The following CLVS1 variants were observed in gnomAD, a reference collection of about 807,000 sequenced individuals.
The protein encoded by CLVS1 is clavesin 1.
CLVS1 carries 10 observed loss-of-function variants against 33.1 expected under a neutral mutation model. That is an observed-to-expected ratio of 0.30 (90% CI 0.19 to 0.51). The LOEUF (loss-of-function observed/expected upper bound fraction) is 0.51, where lower values mean the gene tolerates loss of function less well. Among genes scored for constraint, CLVS1 ranks in the 20% least tolerant of loss-of-function variants. CLVS1 has a pLI of 0.97. For synonymous variants in CLVS1, 163 were observed against 166.1 expected, an observed-to-expected ratio of 0.98 and a Z score of 0.14; for missense variants, 343 against 433.4, an observed-to-expected ratio of 0.79 and a Z score of 1.85.
chr8:61,033,082 G>A, the CLVS1 span, among the ~76,000 whole-genome samples: 3 of 117,274 alleles, frequency 2.6e-5, no homozygotes, highest in East Asian at 4.9e-4. Flanking sequence ...AAGGAAGGAA[G>A]GAAGGAAAGA....
chr8:60,992,933 A>T, the CLVS1 span, among the ~76,000 whole-genome samples: 2 of 152,224 alleles, frequency 1.3e-5, no homozygotes, highest in African/African-American at 2.4e-5. Context: ...AACTCAGTGG[A>T]GGAGCCCTGT....
rs912154891 is a variant in CLVS1 at position 61,299,998 on chromosome 8, G to A, written c.171G>A (p.Arg57=). 6.2e-7 allele frequency: 1 copy of A among 1,614,048 alleles called. No homozygotes were observed. The highest frequency in any genetic ancestry group is 1.1e-5 in the South Asian group (1 of 91,068). ...DVLHQDIQQV[R]DMIITRPDIG... Reference sequence around the variant, plus strand: ...TACATCAGGATATTCAGCAAGTCAGGGACATGATCATCACCAGGCCTGACA... The same window carrying A: ...TACATCAGGATATTCAGCAAGTCAGAGACATGATCATCACCAGGCCTGACA... Residue 57 remains arginine, a synonymous_variant, in exon 2 of 6, where the codon AGG becomes AGA. Transcript: ENST00000325897.
chr8:61,398,181 C>CTT (rs545959573), intron 3 of CLVS1, among the ~76,000 whole-genome samples: 1,460 of 125,896 alleles, frequency 0.012, 49 homozygotes, highest in East Asian at 0.11. Flanking sequence ...ATAAGCTTTA[C>CTT]TTTTTTTTTT....
intron 2 of CLVS1, among the ~76,000 whole-genome samples, chr8:61,139,685 G>T (rs375127613): frequency 6.6e-6 from 1 of 152,116 alleles, no homozygotes; most frequent in South Asian, 2.1e-4. Flanking sequence ...CGCGAGAGAG[G>T]GCTGCCAGGA....
At chr8:61,086,145 T>C (rs1805123566) in intron 1 of CLVS1, among the ~76,000 whole-genome samples, 1 of 147,886 alleles carries the variant, frequency 6.8e-6, no homozygotes, top group Non-Finnish European at 1.5e-5. Flanking sequence ...TAGAATTGCT[T>C]GAACCCGGGA....
intron 1 of CLVS1, among the ~76,000 whole-genome samples, chr8:61,298,922 A>G (rs1269019964): frequency 2.0e-5 from 3 of 152,178 alleles, no homozygotes; most frequent in Non-Finnish European, 4.4e-5. Flanking sequence ...CCATATGGAC[A>G]TTGGGTTGGG....
chr8:61,242,351 T>G (rs1321432701), intron 2 of CLVS1, among the ~76,000 whole-genome samples: 1 of 152,202 alleles, frequency 6.6e-6, no homozygotes, highest in East Asian at 1.9e-4. Flanking sequence ...TTTTTTCTCC[T>G]TCATTTTCAG....
intron 4 of CLVS1, among the ~76,000 whole-genome samples, chr8:61,456,684 A>T (rs1817171216): frequency 6.6e-6 from 1 of 152,022 alleles, no homozygotes; most frequent in African/African-American, 2.4e-5. Context: ...TGGGAGGCCG[A>T]GGCATGCGGA....
intron 2 of CLVS1, among the ~76,000 whole-genome samples, chr8:61,233,464 G>A (rs959275297): frequency 4.9e-5 from 7 of 143,330 alleles, no homozygotes; most frequent in Non-Finnish European, 8.9e-5. Context: ...GAAAGAACCC[G>A]TAGCTTTTTG....
chr8:61,447,582 C>T lies in CLVS1; in HGVS notation c.631-6559C>T, dbSNP rs145054397. On this transcript the variant is annotated intron_variant, in intron 3 of 5. Coordinates refer to ENST00000325897, the MANE Select transcript of CLVS1 (RefSeq NM_173519.3). ...TTAGTGATTGTTCTAGGTATTATGT[C>T]ATGCATTCATAACTTATAGTCTTTT... is the stretch of plus-strand genomic sequence containing the variant. Among the ~76,000 whole-genome samples the T allele has an allele frequency of 3.6e-3, 554 of 151,910 alleles. 2 individuals carry two copies. Among genetic ancestry groups the T allele is most frequent in the African/African-American group, 0.012 (505 of 41,498 alleles).
chr8:61,361,612 C>A (rs1340005253), intron 2 of CLVS1, among the ~76,000 whole-genome samples: 1 of 152,138 alleles, frequency 6.6e-6, no homozygotes, highest in Non-Finnish European at 1.5e-5. Flanking sequence ...AGAGAGAGTT[C>A]TTCAGGGTCT....
chr8:61,490,701 G>C (rs1804044409), intron 5 of CLVS1, among the ~76,000 whole-genome samples: 1 of 147,816 alleles, frequency 6.8e-6, no homozygotes, highest in Admixed American at 6.9e-5. Flanking sequence ...GCTCATGTCT[G>C]TAATCCCAGC....
chr8:61,448,315 A>G (rs2129606707), intron 3 of CLVS1, among the ~76,000 whole-genome samples: 1 of 151,974 alleles, frequency 6.6e-6, no homozygotes, highest in East Asian at 1.9e-4. Flanking sequence ...TTCAGCCATT[A>G]TTTTCTTAAG....
intron 5 of CLVS1, among the ~76,000 whole-genome samples, chr8:61,489,977 G>T (rs978730756): frequency 6.6e-6 from 1 of 152,274 alleles, no homozygotes; most frequent in South Asian, 2.1e-4. Flanking sequence ...CAGGCAAATG[G>T]CTATTAAGTA....
upstream of CLVS1, among the ~76,000 whole-genome samples, chr8:61,053,378 C>T (rs887587428): frequency 6.6e-6 from 1 of 152,106 alleles, no homozygotes; most frequent in Admixed American, 6.5e-5. Flanking sequence ...AAGCTGGGAA[C>T]GAAAGGCCCA....
At chr8:61,109,637 A>G (rs1805592730) in intron 1 of CLVS1, among the ~76,000 whole-genome samples, 1 of 152,188 alleles carries the variant, frequency 6.6e-6, no homozygotes, top group African/African-American at 2.4e-5. Flanking sequence ...TCAGGTAGAA[A>G]CTTAATCCCC....
intron 4 of CLVS1, among the ~76,000 whole-genome samples, chr8:61,454,849 T>C (rs577868858): frequency 1.4e-4 from 22 of 152,318 alleles, no homozygotes; most frequent in Admixed American, 7.8e-4. Context: ...TAACTGAACA[T>C]TCCTTAACCA....
intron 5 of CLVS1, chr8:61,465,393 A>G (rs771160301): frequency 6.6e-6 from 1 of 152,134 alleles, no homozygotes; most frequent in Non-Finnish European, 1.5e-5. Context: ...GTAGAGTAAA[A>G]GCCAAGACTC....
At chr8:61,312,260 C>T (rs1810856017) in intron 2 of CLVS1, among the ~76,000 whole-genome samples, 1 of 152,178 alleles carries the variant, frequency 6.6e-6, no homozygotes, top group Non-Finnish European at 1.5e-5. Context: ...ATATGGTTCC[C>T]AGATAATCAC....
Sources: allele counts gnomAD v4.1 joint callset (sites outside exome capture counted in the v4.1 genomes callset), GRCh38; gene constraint gnomAD v4.1.1; transcripts MANE v1.5; gene names NCBI Gene and HGNC (gene_info 2026-07-23, HGNC 2026-07-21).